The following PDE12 variants were observed in gnomAD, a reference collection of about 807,000 sequenced individuals.
The protein encoded by PDE12 is 2',5'-phosphodiesterase 12.
In PDE12, 26 loss-of-function variants were observed where a neutral mutation model predicts 45.4. The observed-to-expected ratio is 0.57, with a 90% CI of 0.42 to 0.79. The LOEUF (loss-of-function observed/expected upper bound fraction) is 0.79. PDE12 is among the 30% of genes least tolerant of loss of function. The pLI is 0.00. For missense variants in PDE12, 668 were observed against 790.0 expected (o/e 0.85, Z 1.85); for synonymous variants, 283 against 323.9 (o/e 0.87, Z 1.36).
chr3:57,610,970 A>G, the PDE12 span, among the ~76,000 whole-genome samples: 1 of 152,154 alleles, frequency 6.6e-6, no homozygotes, highest in Admixed American at 6.5e-5. Flanking sequence ...GCATCACGCT[A>G]CATGACTTCA....
chr3:57,568,515 A>G (rs1451278355), downstream of PDE12, among the ~76,000 whole-genome samples: 1 of 152,054 alleles, frequency 6.6e-6, no homozygotes, highest in Non-Finnish European at 1.5e-5. Context: ...CTGAAAGATA[A>G]TTCTGTATAC....
chr3:57,619,165 G>A, the PDE12 span, among the ~76,000 whole-genome samples: 1 of 151,800 alleles, frequency 6.6e-6, no homozygotes, highest in Admixed American at 6.6e-5. Flanking sequence ...TGGCTAACAC[G>A]GTGAAACCCC....
At chr3:57,653,445 C>A in the PDE12 span, among the ~76,000 whole-genome samples, 1 of 152,034 alleles carries the variant, frequency 6.6e-6, no homozygotes, top group African/African-American at 2.4e-5. Context: ...TTCTCTCGAA[C>A]TAAAAAATAT....
the PDE12 span, among the ~76,000 whole-genome samples, chr3:57,591,266 T>C: frequency 6.6e-6 from 1 of 152,094 alleles, no homozygotes; most frequent in African/African-American, 2.4e-5. Context: ...TCATGAATGT[T>C]GAAGAGCTAG....
chr3:57,621,996 C>T, the PDE12 span, among the ~76,000 whole-genome samples: 4 of 151,736 alleles, frequency 2.6e-5, no homozygotes, highest in Non-Finnish European at 5.9e-5. Context: ...GCCAACATGG[C>T]GAAACCCCAT....
At chr3:57,599,594 T>C in the PDE12 span, among the ~76,000 whole-genome samples, 1 of 152,188 alleles carries the variant, frequency 6.6e-6, no homozygotes, top group South Asian at 2.1e-4. Flanking sequence ...AAGAATTCTG[T>C]TCTCCATCTC....
chr3:57,596,747 C>T, the PDE12 span: 1 of 308,700 alleles, frequency 3.2e-6, no homozygotes, highest in East Asian at 8.0e-5. Context: ...GAAAGGGCCT[C>T]GCCAAGTGTT....
At chr3:57,601,675 T>G in the PDE12 span, among the ~76,000 whole-genome samples, 2 of 152,032 alleles carry the variant, frequency 1.3e-5, no homozygotes, top group Non-Finnish European at 2.9e-5. Context: ...TTATTTTTGC[T>G]GATTGTTATG....
At chr3:57,620,148 G>C in the PDE12 span, among the ~76,000 whole-genome samples, 1 of 152,156 alleles carries the variant, frequency 6.6e-6, no homozygotes, top group Admixed American at 6.5e-5. Context: ...CTTGAACCTG[G>C]GAGATGGAGG....
At chr3:57,645,034 C>T in the PDE12 span, among the ~76,000 whole-genome samples, 5 of 151,610 alleles carry the variant, frequency 3.3e-5, no homozygotes, top group African/African-American at 9.7e-5. Context: ...AGAAGGTGAG[C>T]GATAGAGCAA....
chr3:57,572,463 T>TA, the PDE12 span, among the ~76,000 whole-genome samples: 131 of 151,902 alleles, frequency 8.6e-4, no homozygotes, highest in Non-Finnish European at 1.4e-3. Context: ...CTCACACCTA[T>TA]AAATCCCAGC....
the PDE12 span, among the ~76,000 whole-genome samples, chr3:57,638,686 TA>T: frequency 6.6e-6 from 1 of 150,706 alleles, no homozygotes; most frequent in Non-Finnish European, 1.5e-5. Context: ...AATAAATAAA[TA>T]AATAAAATGG....
the PDE12 span, chr3:57,629,020 T>C: frequency 1.6e-6 from 1 of 618,168 alleles, no homozygotes; most frequent in African/African-American, 1.9e-5. Flanking sequence ...GATATAGCAT[T>C]ATAGTGCAAG....
downstream of PDE12, among the ~76,000 whole-genome samples, chr3:57,568,433 C>T (rs544857168): frequency 2.8e-4 from 42 of 151,828 alleles, no homozygotes; most frequent in African/African-American, 8.0e-4. Context: ...CCAGCCTGGG[C>T]GACAGAGCGA....
At chr3:57,572,247 G>A in the PDE12 span, 1 of 1,614,078 alleles carries the variant, frequency 6.2e-7, no homozygotes. Flanking sequence ...AGCCAGTCAA[G>A]TCCTTCATAC....
the PDE12 span, chr3:57,627,910 A>C: frequency 1.8e-5 from 4 of 224,874 alleles, no homozygotes; most frequent in African/African-American, 9.1e-5. Context: ...CCAGCACTGC[A>C]GTATGAAATC....
chr3:57,640,756 G>A, the PDE12 span, among the ~76,000 whole-genome samples: 3 of 151,956 alleles, frequency 2.0e-5, no homozygotes, highest in Non-Finnish European at 2.9e-5. Context: ...AAATTACTAC[G>A]CCCAAACCAT....
chr3:57,575,871 A>G, the PDE12 span, among the ~76,000 whole-genome samples: 113,834 of 152,112 alleles, frequency 0.75, 44,700 homozygotes, highest in East Asian at 1. Flanking sequence ...ATGCCTTCAA[A>G]TAAGACAGAA....
chr3:57,597,801 C>G, the PDE12 span: 5 of 152,534 alleles, frequency 3.3e-5, no homozygotes, highest in African/African-American at 4.8e-5. Context: ...TGGGTATTCC[C>G]TGATGCCATG....
Sources: gnomAD v4.1 joint callset for allele counts (sites outside exome capture counted in the v4.1 genomes callset) on GRCh38, gnomAD v4.1.1 for gene constraint, MANE v1.5 for transcripts, NCBI Gene and HGNC (gene_info 2026-07-23, HGNC 2026-07-21) for gene names.